KCNQ3: variants seen among roughly 807,000 people sequenced by gnomAD.
KCNQ3 encodes potassium voltage-gated channel subfamily Q member 3.
In KCNQ3, 30 loss-of-function variants were observed where a neutral mutation model predicts 92.5. The observed-to-expected ratio is 0.32, with a 90% confidence interval of 0.24 to 0.44. KCNQ3 has a LOEUF of 0.44. Among genes scored for constraint, KCNQ3 ranks in the 20% least tolerant of loss-of-function variants. The probability of loss-of-function intolerance (pLI) is 1.00; values close to 1 mark genes in which losing one functional copy is unlikely to be tolerated. For missense variants in KCNQ3, 913 were observed against 1,140.3 expected (o/e 0.80, Z 2.87); for synonymous variants, 450 against 468.8 (o/e 0.96, Z 0.52).
chr8:132,162,692 G>A (rs1451411856), intron 9 of KCNQ3, among the ~76,000 whole-genome samples: 1 of 152,172 alleles, frequency 6.6e-6, no homozygotes. Context: ...GTCAGTAATT[G>A]TCTCTTCCAA....
intron 9 of KCNQ3, among the ~76,000 whole-genome samples, chr8:132,154,198 T>TTTTTTTTTTTTTTTTTTG (rs1239924420): frequency 3.8e-5 from 1 of 26,186 alleles, no homozygotes; most frequent in African/African-American, 2.3e-4. Context: ...TAAAAGTTTT[T>TTTTTTTTTTTTTTTTTTG]TTTTTTTTTT....
At chr8:132,266,528 C>T (rs1325233154) in intron 1 of KCNQ3, among the ~76,000 whole-genome samples, 1 of 152,156 alleles carries the variant, frequency 6.6e-6, no homozygotes, top group Non-Finnish European at 1.5e-5. Flanking sequence ...CCCAGCCTGC[C>T]TTGCATAGGT....
intron 1 of KCNQ3, among the ~76,000 whole-genome samples, chr8:132,470,084 T>C (rs1822263369): frequency 1.0e-5 from 1 of 100,208 alleles, no homozygotes; most frequent in Non-Finnish European, 2.0e-5. Flanking sequence ...TTCCAGCCTC[T>C]CTCTCCATAC....
intron 1 of KCNQ3, among the ~76,000 whole-genome samples, chr8:132,425,060 T>C (rs1821073342): frequency 6.6e-6 from 1 of 152,198 alleles, no homozygotes; most frequent in Non-Finnish European, 1.5e-5. Flanking sequence ...CCAGTGCCTT[T>C]GGAAATCAGG....
At chr8:132,335,952 CT>C (rs1207490969) in intron 1 of KCNQ3, among the ~76,000 whole-genome samples, 2 of 152,156 alleles carry the variant, frequency 1.3e-5, no homozygotes, top group Non-Finnish European at 2.9e-5. Flanking sequence ...GTGCTGGAGC[CT>C]TTTCTTCCTT....
intron 1 of KCNQ3, among the ~76,000 whole-genome samples, chr8:132,431,567 C>T (rs546609500): frequency 6.6e-6 from 1 of 152,304 alleles, no homozygotes; most frequent in Admixed American, 6.5e-5. Context: ...GTCTCACTGA[C>T]CCATGGAGCC....
At chr8:132,190,452 G>T (rs1456976017) in intron 1 of KCNQ3, among the ~76,000 whole-genome samples, 1 of 152,168 alleles carries the variant, frequency 6.6e-6, no homozygotes, top group East Asian at 1.9e-4. Flanking sequence ...TGGAGCTAGA[G>T]ATTCTCCTGC....
intron 1 of KCNQ3, among the ~76,000 whole-genome samples, chr8:132,209,403 A>G (rs1406369467): frequency 1.3e-5 from 2 of 152,128 alleles, no homozygotes; most frequent in Non-Finnish European, 2.9e-5. Context: ...TCCTTAGGCA[A>G]AAAGAGCTGG....
chr8:132,208,881 G>A (rs187991218), intron 1 of KCNQ3, among the ~76,000 whole-genome samples: 2 of 152,078 alleles, frequency 1.3e-5, no homozygotes, highest in East Asian at 1.9e-4. Context: ...CATTCCATAC[G>A]TCTCCCTCCT....
chr8:132,221,892 T>G (rs987127271), intron 1 of KCNQ3, among the ~76,000 whole-genome samples: 2 of 152,194 alleles, frequency 1.3e-5, no homozygotes, highest in African/African-American at 4.8e-5. Flanking sequence ...GATCCCTTCC[T>G]TACACCGTAT....
intron 1 of KCNQ3, among the ~76,000 whole-genome samples, chr8:132,267,296 C>G (rs1211574487): frequency 6.6e-6 from 1 of 152,160 alleles, no homozygotes; most frequent in Non-Finnish European, 1.5e-5. Flanking sequence ...ATAATCCTTC[C>G]TCCTGATTCC....
intron 1 of KCNQ3, among the ~76,000 whole-genome samples, chr8:132,191,153 A>AT (rs112820970): frequency 0.041 from 6,183 of 152,110 alleles, 185 homozygotes; most frequent in South Asian, 0.062. Flanking sequence ...TCTGCAGAAG[A>AT]TTTTTTTTAA....
chr8:132,196,478 T>G (rs546137422), intron 1 of KCNQ3, among the ~76,000 whole-genome samples: 1 of 152,358 alleles, frequency 6.6e-6, no homozygotes, highest in South Asian at 2.1e-4. Context: ...CATCACTTTG[T>G]GCTTGCACCC....
At position 132,480,483 on chromosome 8, in the gene KCNQ3, TCGCCGC is replaced by T. The variant is rs981093917; in HGVS notation, c.44_49del (p.Gly15_Gly16del). 2.5e-6 allele frequency: 3 copies of T among 1,211,236 alleles called. No homozygotes were observed. The highest frequency in any genetic ancestry group is 3.1e-6 in the Non-Finnish European group (3 of 979,820). The allele number at this position is 1,211,236 out of a possible 1,614,324, so 75.0% of individuals were successfully genotyped here. ...CGCCCCGCCGCCTCCGCCGCCCCCGTCGCCGCCGCCGCCAGCCGCCCCCGCCGCCCT... is the reference window on the plus strand; with the variant it reads ...CGCCCCGCCGCCTCCGCCGCCCCCGTCGCCGCCAGCCGCCCCCGCCGCCCT... On this transcript the variant is annotated inframe_deletion, in exon 1 of 15. Coordinates refer to ENST00000388996, the MANE Select transcript of KCNQ3 (RefSeq NM_004519.4).
At chr8:132,160,986 G>A (rs751329880) in intron 9 of KCNQ3, among the ~76,000 whole-genome samples, 1 of 151,878 alleles carries the variant, frequency 6.6e-6, no homozygotes, top group East Asian at 2.0e-4. Context: ...TCACTTTCAT[G>A]AGAATCAAAT....
intron 1 of KCNQ3, among the ~76,000 whole-genome samples, chr8:132,197,157 G>A (rs576444509): frequency 1.3e-5 from 2 of 152,182 alleles, no homozygotes; most frequent in Non-Finnish European, 2.9e-5. Context: ...ATTCCAGTCT[G>A]AGTAACCATC....
At position 132,357,345 on chromosome 8, in the gene KCNQ3, T is replaced by C. The variant is rs187682355; in HGVS notation, c.386+122802A>G. On this transcript the variant is annotated intron_variant, in intron 1 of 14. Coordinates refer to ENST00000388996, the MANE Select transcript of KCNQ3 (RefSeq NM_004519.4). ...GCAGAGAAGTGCGTCAATGTGAGGG[T>C]GTGCTGTGGAGAACAGGGGCTCGAT... 5.2e-3 allele frequency among the ~76,000 whole-genome samples: 798 copies of C among 152,270 alleles called. 10 individuals are homozygous for C. Among genetic ancestry groups the C allele is most frequent in the African/African-American group, 0.013 (524 of 41,556 alleles).
chr8:132,259,651 A>G (rs1381429608), intron 1 of KCNQ3, among the ~76,000 whole-genome samples: 1 of 152,188 alleles, frequency 6.6e-6, no homozygotes, highest in Non-Finnish European at 1.5e-5. Flanking sequence ...AGTTCTATTC[A>G]GGACAATGAG....
At chr8:132,365,412 G>A (rs2100645) in intron 1 of KCNQ3, among the ~76,000 whole-genome samples, 2,950 of 152,326 alleles carry the variant, frequency 0.019, 35 homozygotes, top group Non-Finnish European at 0.025. Context: ...CAATGAGCGT[G>A]GGTGCCTGTG....
Sources: gnomAD v4.1 joint callset for allele counts (sites outside exome capture counted in the v4.1 genomes callset) on GRCh38, gnomAD v4.1.1 for gene constraint, MANE v1.5 for transcripts, NCBI Gene and HGNC (gene_info 2026-07-23, HGNC 2026-07-21) for gene names.